PCBP2: variants seen among roughly 807,000 people sequenced by gnomAD.
PCBP2 encodes the protein poly(rC) binding protein 2.
A neutral mutation model predicts 50.1 loss-of-function variants in PCBP2; 4 were observed. The ratio of observed to expected loss-of-function variants is 0.08; its 90% CI spans 0.04 to 0.18. The LOEUF (loss-of-function observed/expected upper bound fraction) is 0.18, where lower values mean the gene tolerates loss of function less well. PCBP2 is among the 10% of genes least tolerant of loss of function. The pLI, the probability that PCBP2 is intolerant of heterozygous loss-of-function variation, is 1.00. For synonymous variants in PCBP2, 179 were observed against 168.0 expected (o/e 1.07, Z -0.51); for missense variants, 161 against 474.3 (o/e 0.34, Z 6.14).
At position 53,479,717 on chromosome 12, in the gene PCBP2, T is replaced by TA. The variant is rs1942935571; in HGVS notation, c.*277dup. On this transcript the variant is annotated 3_prime_UTR_variant, in exon 15 of 15. Transcript: ENST00000546463. The stretch of plus-strand genomic sequence containing the variant: ...AATTTTTCTGTTTGTCATGGAAATG[T>TA]AAGAGTGGAATATTAATACATTTCA... 1 of 309,788 alleles carries TA rather than the reference T, an allele frequency of 3.2e-6. No individual in the cohort carries two copies. Among genetic ancestry groups the TA allele is most frequent in the South Asian group, 7.9e-5 (1 of 12,686 alleles). 19.2% of individuals were successfully genotyped at this position (309,788 alleles called of 1,614,324 possible). A position where few individuals can be genotyped will look rare whatever the true frequency, so the allele number is the denominator to read the frequency against.
intron 12 of PCBP2, chr12:53,468,071 T>C: frequency 3.8e-6 from 2 of 528,648 alleles, no homozygotes; most frequent in Non-Finnish European, 6.7e-6. Flanking sequence ...AGGACTAAGC[T>C]TGAGTGTTAG....
rs1941511504 is a variant in PCBP2 at position 53,462,410 on chromosome 12, C to T, written c.505-83C>T. The T allele has an allele frequency of 4.7e-6, 5 of 1,052,796 alleles. No homozygotes were observed. The African/African-American group carries it at 4.8e-5, about 10-fold the overall frequency. The allele number at this position is 1,052,796 out of a possible 1,614,324, so 65.2% of individuals were successfully genotyped here. A position where few individuals can be genotyped will look rare whatever the true frequency, so the allele number is the denominator to read the frequency against. ...TGGAAATAGTTTTTAATTTAACTGA[C>T]CTGTGTGAGCTAAAGCCACACAGCT... On this transcript the variant is annotated intron_variant, in intron 7 of 14. Transcript: ENST00000546463.
intron 1 of PCBP2, chr12:53,453,135 A>C (rs1020215697): frequency 1.3e-5 from 2 of 151,442 alleles, no homozygotes; most frequent in Admixed American, 1.3e-4. Flanking sequence ...TTCTTGGATT[A>C]CTTGGTTTGG....
rs1942006422 is a variant in PCBP2, at chr12:53,468,957, C to T, written c.882+125C>T. 13 of 688,082 alleles carry T rather than the reference C, an allele frequency of 1.9e-5. No homozygotes were observed. In the South Asian group the frequency reaches 2.2e-4, roughly 12 times the overall value. 42.6% of individuals were successfully genotyped at this position (688,082 alleles called of 1,614,324 possible). A position where few individuals can be genotyped will look rare whatever the true frequency, so the allele number is the denominator to read the frequency against. ...TTTTTAAACAGCCCAGGCTGTAGTG[C>T]AGTGGTGCGATCTTGGCTCACCGCA... On this transcript the variant is annotated intron_variant, in intron 13 of 14. Transcript: ENST00000546463.
rs753221745 is a variant in PCBP2 at position 53,479,869 on chromosome 12, T to C, written c.*427T>C. 1.3e-5 allele frequency: 2 copies of C among 154,148 alleles called. No individual in the cohort carries two copies. The highest frequency in any genetic ancestry group is 2.9e-5 in the Non-Finnish European group (2 of 69,428). The allele number at this position is 154,148 out of a possible 1,614,324, so 9.5% of individuals were successfully genotyped here. On this transcript the variant is annotated 3_prime_UTR_variant, in exon 15 of 15. Coordinates refer to ENST00000546463, the MANE Select transcript of PCBP2 (RefSeq NM_031989.5). Reference sequence around the variant, plus strand: ...TTTTATTCCTCTTGTCTTGCTGTTATTTTTGTACCTTTTATCCCTCAAAGG... The same window carrying C: ...TTTTATTCCTCTTGTCTTGCTGTTACTTTTGTACCTTTTATCCCTCAAAGG...
At chr12:53,475,222 A>G (rs1346333975) in intron 14 of PCBP2, 9 of 453,684 alleles carry the variant, frequency 2.0e-5, no homozygotes, top group Admixed American at 9.4e-5. Context: ...TACTGATTGC[A>G]TACCTTGAGG....
Position 53,461,098 on chromosome 12 carries a change from A to G in PCBP2, c.459A>G (p.Gln153=), listed in dbSNP as rs573240056. The G allele has an allele frequency of 3.1e-6, 5 of 1,614,104 alleles. No individual in the cohort carries two copies. The highest frequency in any genetic ancestry group is 4.5e-5 in the East Asian group (2 of 44,886). ...ERAITIAGIP[Q]SIIECVKQIC... ...CCATCACTATTGCTGGCATTCCACA[A>G]TCCATCATTGAGTGTGTCAAACAGA... The change falls in exon 7 of 15, where the codon CAA becomes CAG. Residue 153 remains glutamine, a synonymous_variant. Coordinates refer to ENST00000546463, the MANE Select transcript of PCBP2 (RefSeq NM_031989.5).
At chr12:53,467,428 A>G (rs771645018) in intron 11 of PCBP2, 135 bp downstream of exon 11, 3 of 794,754 alleles carry the variant, frequency 3.8e-6, no homozygotes, top group South Asian at 2.8e-5. Flanking sequence ...CCTGTCTACT[A>G]TGGCTAAGCC....
chr12:53,455,215 G>T (rs1329017335), intron 2 of PCBP2, 132 bp from the exon 3 acceptor site: 5 of 820,604 alleles, frequency 6.1e-6, no homozygotes, highest in African/African-American at 1.7e-5. Flanking sequence ...CAGTCTGTTG[G>T]CTAGACAGTT....
intron 8 of PCBP2, among the ~76,000 whole-genome samples, chr12:53,463,971 A>G (rs1339106828): frequency 2.0e-5 from 3 of 152,102 alleles, no homozygotes; most frequent in Non-Finnish European, 4.4e-5. Context: ...GTTTCACAGG[A>G]AGGTCGGTTA....
intron 6 of PCBP2, chr12:53,460,480 A>G (rs1592647804): frequency 6.1e-5 from 15 of 245,844 alleles, no homozygotes; most frequent in South Asian, 4.6e-4. Flanking sequence ...GTTACGTTGA[A>G]TTATGGAAGA....
At chr12:53,478,870 C>T (rs1942849067) in intron 14 of PCBP2, among the ~76,000 whole-genome samples, 1 of 147,664 alleles carries the variant, frequency 6.8e-6, no homozygotes, top group Non-Finnish European at 1.5e-5. Flanking sequence ...CTCTTTTTAA[C>T]ATTTTTTTTT....
At chr12:53,475,128 G>A (rs777173013) in intron 14 of PCBP2, 15 of 456,248 alleles carry the variant, frequency 3.3e-5, no homozygotes, top group Admixed American at 9.4e-5. Flanking sequence ...TAAGGGTACC[G>A]GGGCTTCAGC....
intron 14 of PCBP2, among the ~76,000 whole-genome samples, chr12:53,472,009 G>GT (rs1023757519): frequency 2.0e-5 from 3 of 149,488 alleles, no homozygotes; most frequent in Non-Finnish European, 3.0e-5. Flanking sequence ...GTTGGTGGGG[G>GT]GGGGAGCACA....
At chr12:53,465,012 G>C in intron 9 of PCBP2, 160 bp downstream of exon 9, 1 of 858,960 alleles carries the variant, frequency 1.2e-6, no homozygotes, top group South Asian at 4.1e-5. Flanking sequence ...TTTCACCCAG[G>C]CCGCGTAGCC....
rs1449938347 is a variant in PCBP2, at chr12:53,455,339, C to T, written c.70-8C>T. ...TCCTCTTACTGACGTTAGTTTTCTCCATTGCAGGAAGTTGGCAGTATCATC... is the reference window on the plus strand; with the variant it reads ...TCCTCTTACTGACGTTAGTTTTCTCTATTGCAGGAAGTTGGCAGTATCATC... On this transcript the variant is annotated splice_region_variant and splice_polypyrimidine_tract_variant and intron_variant, in intron 2 of 14. Transcript: ENST00000546463. 4 of 1,613,088 alleles carry T rather than the reference C, an allele frequency of 2.5e-6. No homozygotes were observed. Among genetic ancestry groups the T allele is most frequent in the Non-Finnish European group, 3.4e-6 (4 of 1,179,314 alleles).
At chr12:53,455,815 GGACTGTA>G (rs1940967488) in intron 4 of PCBP2, 63 bp from the exon 5 acceptor site, 1 of 1,023,354 alleles carries the variant, frequency 9.8e-7, no homozygotes, top group Admixed American at 1.8e-5. Context: ...GTCTTATAAG[GGACTGTA>G]GATCCTGTAC....
At chr12:53,470,757 T>G (rs1308057627) in intron 13 of PCBP2, among the ~76,000 whole-genome samples, 14 of 23,176 alleles carry the variant, frequency 6.0e-4, no homozygotes, top group Non-Finnish European at 3.2e-4. Context: ...TGTTAACCAG[T>G]TTTTTTTTTT....
At chr12:53,467,882 G>A (rs1169788907) in intron 12 of PCBP2, 39 bp downstream of exon 12, 3 of 1,439,142 alleles carry the variant, frequency 2.1e-6, no homozygotes, top group Admixed American at 1.7e-5. Context: ...GTATTCTACT[G>A]TTATATTAAT....
Sources: allele counts gnomAD v4.1 joint callset (sites outside exome capture counted in the v4.1 genomes callset), GRCh38; gene constraint gnomAD v4.1.1; transcripts MANE v1.5; gene names NCBI Gene and HGNC (gene_info 2026-07-23, HGNC 2026-07-21).